PTPRD: variants seen among roughly 807,000 people sequenced by gnomAD.
PTPRD encodes protein tyrosine phosphatase receptor type D.
A neutral mutation model predicts 214.5 loss-of-function variants in PTPRD; 34 were observed. That is an observed-to-expected ratio of 0.16 (90% CI 0.12 to 0.21). The LOEUF (loss-of-function observed/expected upper bound fraction) is 0.21. Among genes scored for constraint, PTPRD ranks in the 10% least tolerant of loss-of-function variants. The pLI is 1.00. For synonymous variants in PTPRD, 1,128 were observed against 845.7 expected (o/e 1.33, Z -5.79); for missense variants, 2,545 against 2,398.7 (o/e 1.06, Z -1.27).
rs545511552 is a variant in PTPRD at position 9,349,815 on chromosome 9, T to C, written c.-203+47634A>G. Among the ~76,000 whole-genome samples the C allele has an allele frequency of 2.0e-4, 31 of 152,086 alleles. No individual in the cohort carries two copies. In the South Asian group the frequency reaches 4.1e-3, roughly 20 times the overall value. On this transcript the variant is annotated intron_variant, in intron 9 of 45. Coordinates refer to ENST00000381196, the MANE Select transcript of PTPRD (RefSeq NM_002839.4). ...TGTCTCATCACCTATGGGGACAGAA[T>C]CTGCATTTCTCATATACTAGCACTT...
intron 2 of PTPRD, among the ~76,000 whole-genome samples, chr9:10,503,683 T>C (rs539967220): frequency 6.6e-6 from 1 of 152,016 alleles, no homozygotes; most frequent in Admixed American, 6.6e-5. Context: ...CTCCTGGAGA[T>C]TACACTTTAG....
At chr9:9,103,592 T>C (rs76132270) in intron 10 of PTPRD, among the ~76,000 whole-genome samples, 3,568 of 152,252 alleles carry the variant, frequency 0.023, 62 homozygotes, top group Middle Eastern at 0.082. Context: ...TTTCCTTCTT[T>C]AGCGTATCCT....
intron 11 of PTPRD, among the ~76,000 whole-genome samples, chr9:8,738,544 C>T (rs939175631): frequency 1.3e-5 from 2 of 151,374 alleles, no homozygotes; most frequent in Admixed American, 6.6e-5. Flanking sequence ...GTCGGAACTA[C>T]TAGGCTATAT....
intron 3 of PTPRD, among the ~76,000 whole-genome samples, chr9:10,142,917 C>T (rs2154268804): frequency 6.6e-6 from 1 of 150,572 alleles, no homozygotes; most frequent in Non-Finnish European, 1.5e-5. Context: ...AAATGTGGCA[C>T]ATATACACCA....
At chr9:10,190,664 G>A (rs2099359818) in intron 3 of PTPRD, among the ~76,000 whole-genome samples, 1 of 127,826 alleles carries the variant, frequency 7.8e-6, no homozygotes, top group Non-Finnish European at 1.5e-5. Context: ...AGTACAGTAA[G>A]CCAAGATCAT....
At position 9,672,511 on chromosome 9, in the gene PTPRD, G is replaced by A. The variant is rs570352200; in HGVS notation, c.-287+62022C>T. Among the ~76,000 whole-genome samples the A allele has an allele frequency of 3.0e-3, 455 of 152,154 alleles. 2 individuals carry two copies. Among genetic ancestry groups the A allele is most frequent in the African/African-American group, 0.01 (430 of 41,520 alleles). On this transcript the variant is annotated intron_variant, in intron 7 of 45. Coordinates refer to ENST00000381196, the MANE Select transcript of PTPRD (RefSeq NM_002839.4). Reference sequence around the variant, plus strand: ...GCACAGAAGCCCAGCAAAGTTAGTAGCTTGCCAAATATCACAGAGCTAATA... The same window carrying A: ...GCACAGAAGCCCAGCAAAGTTAGTAACTTGCCAAATATCACAGAGCTAATA...
rs149660391 is a variant in PTPRD at position 8,632,029 on chromosome 9, C to G, written c.352+1288G>C. On this transcript the variant is annotated intron_variant, in intron 14 of 45. Transcript: ENST00000381196. ...ATACATCCAATTGTCAATACTTTCC[C>G]TGCAACTTAATAAGGTGTTTATACT... Among the ~76,000 whole-genome samples the G allele has an allele frequency of 1.2e-3, 185 of 151,778 alleles. 2 individuals are homozygous for G. Among genetic ancestry groups the G allele is most frequent in the African/African-American group, 4.3e-3 (179 of 41,458 alleles).
At chr9:9,290,092 C>T (rs1037280654) in intron 9 of PTPRD, among the ~76,000 whole-genome samples, 2 of 151,582 alleles carry the variant, frequency 1.3e-5, no homozygotes, top group East Asian at 3.9e-4. Flanking sequence ...ACAAGGGTTC[C>T]CTTTTTTCCA....
At chr9:10,524,423 G>A (rs1439046915) in intron 2 of PTPRD, among the ~76,000 whole-genome samples, 5 of 151,602 alleles carry the variant, frequency 3.3e-5, no homozygotes, top group Non-Finnish European at 7.4e-5. Context: ...ACATACACAC[G>A]CTAACATGGT....
intron 3 of PTPRD, among the ~76,000 whole-genome samples, chr9:10,123,277 A>T (rs1355880556): frequency 2.0e-5 from 3 of 152,214 alleles, no homozygotes; most frequent in African/African-American, 7.2e-5. Flanking sequence ...ATAGACTTTA[A>T]TTATAAAAAT....
At chr9:9,817,366 G>C (rs938940811) in intron 5 of PTPRD, among the ~76,000 whole-genome samples, 3 of 152,014 alleles carry the variant, frequency 2.0e-5, no homozygotes, top group Non-Finnish European at 4.4e-5. Context: ...CATTCCTGTA[G>C]GTCAGAGTAA....
At chr9:9,961,303 C>A (rs568705121) in intron 4 of PTPRD, among the ~76,000 whole-genome samples, 6 of 152,250 alleles carry the variant, frequency 3.9e-5, no homozygotes, top group African/African-American at 1.4e-4. Flanking sequence ...GAGGCACAAA[C>A]AACATGCCTT....
chr9:8,327,719 C>G (rs115316098), intron 44 of PTPRD, among the ~76,000 whole-genome samples: 7,498 of 152,064 alleles, frequency 0.049, 579 homozygotes, highest in African/African-American at 0.17. Flanking sequence ...TCTGCATGCT[C>G]CTGTAGAGGG....
chr9:10,115,352 T>C (rs1209252811), intron 3 of PTPRD, among the ~76,000 whole-genome samples: 2 of 152,126 alleles, frequency 1.3e-5, no homozygotes, highest in African/African-American at 2.4e-5. Context: ...TAAGGTATAG[T>C]GCATTCTGGC....
rs559297793 is a variant in PTPRD at position 10,219,780 on chromosome 9, A to C, written c.-545+121183T>G. On this transcript the variant is annotated intron_variant, in intron 3 of 45. Transcript: ENST00000381196. ...CCACATTGTTTAAATATGTTGCTAA[A>C]TTGACTTTAAAAATTATATTTCACT... 1.4e-4 allele frequency among the ~76,000 whole-genome samples: 21 copies of C among 151,812 alleles called. 1 individual carries two copies. The highest frequency in any genetic ancestry group is 5.1e-4 in the African/African-American group (21 of 41,380).
intron 2 of PTPRD, among the ~76,000 whole-genome samples, chr9:10,599,846 C>T (rs187411232): frequency 1.1e-4 from 16 of 151,834 alleles, no homozygotes; most frequent in Non-Finnish European, 1.9e-4. Flanking sequence ...GAGGCTTTTA[C>T]GCTTCCCAGT....
chr9:9,708,721 C>G (rs566809932), intron 7 of PTPRD, among the ~76,000 whole-genome samples: 2 of 151,888 alleles, frequency 1.3e-5, no homozygotes, highest in South Asian at 4.1e-4. Context: ...TCAGATAACT[C>G]TTGATTGATG....
At chr9:9,913,914 T>C (rs1462886063) in intron 5 of PTPRD, among the ~76,000 whole-genome samples, 1 of 152,154 alleles carries the variant, frequency 6.6e-6, no homozygotes, top group African/African-American at 2.4e-5. Flanking sequence ...ATATGCATTG[T>C]TCTGGGGGCC....
At chr9:9,480,011 G>A (rs968651660) in intron 8 of PTPRD, among the ~76,000 whole-genome samples, 3 of 152,158 alleles carry the variant, frequency 2.0e-5, no homozygotes, top group African/African-American at 7.2e-5. Context: ...TCATGAGCAA[G>A]AATAATGGTA....
Sources: allele counts gnomAD v4.1 joint callset (sites outside exome capture counted in the v4.1 genomes callset), GRCh38; gene constraint gnomAD v4.1.1; transcripts MANE v1.5; gene names NCBI Gene and HGNC (gene_info 2026-07-23, HGNC 2026-07-21).